CEP128: variants seen among roughly 807,000 people sequenced by gnomAD.
CEP128 encodes centrosomal protein 128kDa.
In CEP128, 132 loss-of-function variants were observed where a neutral mutation model predicts 156.7. The ratio of observed to expected loss-of-function variants is 0.84; its 90% CI spans 0.73 to 0.97. CEP128 has a LOEUF of 0.97. CEP128 is among the 50% of genes least tolerant of loss of function. The pLI is 0.00. For missense variants in CEP128, 1,252 were observed against 1,281.9 expected (o/e 0.98, Z 0.36); for synonymous variants, 469 against 448.9 (o/e 1.04, Z -0.57).
intron 9 of CEP128, among the ~76,000 whole-genome samples, chr14:80,844,182 C>A (rs1002777301): frequency 6.6e-6 from 1 of 151,722 alleles, no homozygotes; most frequent in Non-Finnish European, 1.5e-5. Context: ...AATTAAGTTT[C>A]TTTTCAAGGC....
intron 23 of CEP128, among the ~76,000 whole-genome samples, chr14:80,516,588 G>A (rs1003262551): frequency 6.6e-6 from 1 of 152,170 alleles, no homozygotes. Flanking sequence ...TTAGTCCATG[G>A]TGATGGGTCT....
intron 21 of CEP128, among the ~76,000 whole-genome samples, chr14:80,535,720 A>G (rs1289613534): frequency 6.6e-6 from 1 of 152,174 alleles, no homozygotes; most frequent in East Asian, 1.9e-4. Context: ...TCTTTTTTTC[A>G]TAACATTTAA....
At chr14:80,659,799 T>C (rs1014943044) in intron 19 of CEP128, among the ~76,000 whole-genome samples, 6 of 152,166 alleles carry the variant, frequency 3.9e-5, no homozygotes, top group Non-Finnish European at 5.9e-5. Flanking sequence ...TTCTAAATAA[T>C]GATGACACTC....
In CEP128 at chr14:80,939,838, T is replaced by C. The variant is rs73344078; in HGVS notation, c.-171-298A>G. Among the ~76,000 whole-genome samples the C allele has an allele frequency of 8.0e-3, 1,222 of 152,334 alleles. 18 individuals carry two copies. The highest frequency in any genetic ancestry group is 0.027 in the African/African-American group (1,114 of 41,566). On this transcript the variant is annotated intron_variant, in intron 1 of 24. Coordinates refer to ENST00000555265, the MANE Select transcript of CEP128 (RefSeq NM_152446.5). ...AAGTCTAGCCAAAAAGTACTATGTA[T>C]GAGCATGTCTAAAAGTTGGTAACTA... is the stretch of plus-strand genomic sequence containing the variant.
At chr14:80,608,547 C>G (rs763933952) in intron 19 of CEP128, among the ~76,000 whole-genome samples, 1 of 152,160 alleles carries the variant, frequency 6.6e-6, no homozygotes, top group African/African-American at 2.4e-5. Flanking sequence ...CAAAAAGCTT[C>G]TCATGGATTC....
chr14:80,545,871 A>G (rs533268902), intron 21 of CEP128, among the ~76,000 whole-genome samples: 1 of 152,228 alleles, frequency 6.6e-6, no homozygotes, highest in Non-Finnish European at 1.5e-5. Context: ...CCATAGTTGT[A>G]CATTACAATC....
intron 13 of CEP128, among the ~76,000 whole-genome samples, chr14:80,805,703 A>G (rs1884136518): frequency 2.0e-5 from 3 of 152,170 alleles, no homozygotes; most frequent in South Asian, 4.1e-4. Context: ...TGAGTGTTTC[A>G]TGAACTGATA....
intron 9 of CEP128, among the ~76,000 whole-genome samples, chr14:80,841,144 C>T (rs1175387870): frequency 6.6e-6 from 1 of 151,972 alleles, no homozygotes; most frequent in Non-Finnish European, 1.5e-5. Context: ...AAAGTGTTTG[C>T]TTTGGTTTGT....
At chr14:80,853,527 A>T (rs964786636) in intron 9 of CEP128, among the ~76,000 whole-genome samples, 7 of 151,592 alleles carry the variant, frequency 4.6e-5, no homozygotes, top group African/African-American at 1.7e-4. Context: ...TTAAAAAAAA[A>T]TCCCATTCCA....
chr14:80,887,518 CT>C (rs1566694080), intron 8 of CEP128, among the ~76,000 whole-genome samples: 1 of 152,130 alleles, frequency 6.6e-6, no homozygotes, highest in African/African-American at 2.4e-5. Flanking sequence ...CAATCTACCC[CT>C]GAATGACTAC....
chr14:80,948,279 A>T (rs990803631), intron 2 of CEP128, among the ~76,000 whole-genome samples: 2 of 152,214 alleles, frequency 1.3e-5, no homozygotes, highest in Non-Finnish European at 2.9e-5. Context: ...TATTGCAGGG[A>T]TAATATTGCC....
intron 2 of CEP128, among the ~76,000 whole-genome samples, chr14:80,922,470 G>A (rs1366307439): frequency 1.3e-5 from 2 of 152,076 alleles, no homozygotes; most frequent in Non-Finnish European, 2.9e-5. Flanking sequence ...TAGATTCAAA[G>A]ATGACTCACT....
intron 19 of CEP128, among the ~76,000 whole-genome samples, chr14:80,675,432 T>C (rs1434942253): frequency 1.3e-5 from 2 of 152,098 alleles, no homozygotes; most frequent in African/African-American, 2.4e-5. Context: ...TGGTGATCCA[T>C]AACGCTTCAA....
At chr14:80,481,345 CAGA>C (rs918588006) in intron 14 of CEP128, among the ~76,000 whole-genome samples, 6 of 152,168 alleles carry the variant, frequency 3.9e-5, no homozygotes, top group African/African-American at 1.4e-4. Context: ...TATTCGCTAT[CAGA>C]AGAACAGCAT....
intron 20 of CEP128, among the ~76,000 whole-genome samples, chr14:80,572,843 T>C (rs1471228018): frequency 2.0e-5 from 3 of 152,216 alleles, no homozygotes; most frequent in Non-Finnish European, 4.4e-5. Context: ...GTAAAGGGGA[T>C]AGTGTATGAA....
intron 13 of CEP128, among the ~76,000 whole-genome samples, chr14:80,801,998 T>G (rs1176289552): frequency 1.4e-5 from 2 of 147,938 alleles, no homozygotes; most frequent in Non-Finnish European, 3.0e-5. Context: ...TACCATCTCA[T>G]GCTAGTCAGA....
intron 13 of CEP128, among the ~76,000 whole-genome samples, chr14:80,805,689 A>G (rs1884135776): frequency 6.6e-6 from 1 of 152,156 alleles, no homozygotes; most frequent in Non-Finnish European, 1.5e-5. Flanking sequence ...ATTTCAGTAT[A>G]ATTTGAGTGT....
At chr14:80,560,156 T>C (rs1055608871) in intron 20 of CEP128, among the ~76,000 whole-genome samples, 1 of 152,206 alleles carries the variant, frequency 6.6e-6, no homozygotes, top group African/African-American at 2.4e-5. Flanking sequence ...TCAGGTGCAA[T>C]GCCTCACACC....
At chr14:80,564,011 A>G (rs541191127) in intron 20 of CEP128, among the ~76,000 whole-genome samples, 1 of 152,346 alleles carries the variant, frequency 6.6e-6, no homozygotes, top group South Asian at 2.1e-4. Flanking sequence ...CTTATAGGGC[A>G]GAAGTAAAAA....
Sources: allele counts gnomAD v4.1 joint callset (sites outside exome capture counted in the v4.1 genomes callset), GRCh38; gene constraint gnomAD v4.1.1; transcripts MANE v1.5; gene names NCBI Gene and HGNC (gene_info 2026-07-23, HGNC 2026-07-21).